The following ZFYVE9 variants were observed in gnomAD, a reference collection of about 807,000 sequenced individuals.
The protein encoded by ZFYVE9 is zinc finger FYVE domain-containing protein 9.
Under a neutral mutation model 126.7 loss-of-function variants are expected in ZFYVE9, and 43 were observed. The observed-to-expected ratio is 0.34, with a 90% CI of 0.27 to 0.44. The LOEUF (loss-of-function observed/expected upper bound fraction) is 0.44. Among genes scored for constraint, ZFYVE9 ranks in the 20% least tolerant of loss-of-function variants. The probability of loss-of-function intolerance (pLI) is 1.00; values close to 1 mark genes in which losing one functional copy is unlikely to be tolerated. For synonymous variants in ZFYVE9, 521 were observed against 597.4 expected, an observed-to-expected ratio of 0.87 and a Z score of 1.87; for missense variants, 1,476 against 1,697.0, an observed-to-expected ratio of 0.87 and a Z score of 2.29.
At chr1:52,318,855 T>C (rs1282887471) in intron 13 of ZFYVE9, among the ~76,000 whole-genome samples, 3 of 152,154 alleles carry the variant, frequency 2.0e-5, no homozygotes, top group Non-Finnish European at 4.4e-5. Context: ...TCCAACACTT[T>C]GGAGGACAAG....
intron 16 of ZFYVE9, 121 bp downstream of exon 16, chr1:52,338,055 C>A: frequency 8.3e-7 from 1 of 1,203,664 alleles, no homozygotes; most frequent in Non-Finnish European, 1.1e-6. Context: ...AGAAAGACTG[C>A]TTTGTATGCT....
At chr1:52,159,748 A>G (rs1040869647) in intron 1 of ZFYVE9, among the ~76,000 whole-genome samples, 1 of 152,188 alleles carries the variant, frequency 6.6e-6, no homozygotes, top group Non-Finnish European at 1.5e-5. Flanking sequence ...TGGCTGCAAC[A>G]TGTAATAAGC....
intron 1 of ZFYVE9, among the ~76,000 whole-genome samples, chr1:52,190,742 A>T (rs1467239049): frequency 1.3e-5 from 2 of 152,228 alleles, no homozygotes; most frequent in African/African-American, 4.8e-5. Context: ...TAAAGTACTT[A>T]AATCACTTTG....
chr1:52,293,913 A>G (rs1236263197), intron 11 of ZFYVE9, among the ~76,000 whole-genome samples: 1 of 152,240 alleles, frequency 6.6e-6, no homozygotes, highest in Non-Finnish European at 1.5e-5. Context: ...TTGATAAAAA[A>G]CACGATCATC....
At chr1:52,302,567 A>G (rs1287313705) in intron 12 of ZFYVE9, among the ~76,000 whole-genome samples, 2 of 152,166 alleles carry the variant, frequency 1.3e-5, no homozygotes, top group Non-Finnish European at 2.9e-5. Context: ...CCTGGCCAAC[A>G]TGGCAAAACC....
chr1:52,219,159 G>A (rs1645099590), intron 2 of ZFYVE9, among the ~76,000 whole-genome samples: 1 of 152,010 alleles, frequency 6.6e-6, no homozygotes, highest in South Asian at 2.1e-4. Context: ...GGTTTTTCTG[G>A]GGATGGGGGG....
At chr1:52,336,872 AGGAGCTT>A (rs1190567339) in intron 15 of ZFYVE9, among the ~76,000 whole-genome samples, 1 of 149,544 alleles carries the variant, frequency 6.7e-6, no homozygotes, top group Non-Finnish European at 1.5e-5. Flanking sequence ...CTGTGAGGCC[AGGAGCTT>A]GAGGCTGCAG....
chr1:52,255,918 CTTTTCTTTTCTTTT>C (rs1645505222), intron 4 of ZFYVE9, among the ~76,000 whole-genome samples: 3 of 81,490 alleles, frequency 3.7e-5, no homozygotes, highest in African/African-American at 2.1e-4. Flanking sequence ...CTTTTCTTTT[CTTTTCTTTTCTTTT>C]CTTTTCTTTT....
At position 52,160,293 on chromosome 1, in the gene ZFYVE9, C is replaced by T; in HGVS notation, c.-143+17890C>T. Reference sequence around the variant, plus strand: ...TTTACAACAGTTCGAATGCTCTTTCCAGAATGCATCAGTTCAAAGGCTTTG... The same window carrying T: ...TTTACAACAGTTCGAATGCTCTTTCTAGAATGCATCAGTTCAAAGGCTTTG... On this transcript the variant is annotated intron_variant, in intron 1 of 18. Coordinates refer to ENST00000287727, the MANE Select transcript of ZFYVE9 (RefSeq NM_004799.4). 14 of 1,012,700 alleles carry T rather than the reference C, an allele frequency of 1.4e-5. No homozygotes were observed. The South Asian group carries it at 1.8e-4, about 13-fold the overall frequency. 62.7% of individuals were successfully genotyped at this position (1,012,700 alleles called of 1,614,324 possible). A position where few individuals can be genotyped will look rare whatever the true frequency, so the allele number is the denominator to read the frequency against.
intron 1 of ZFYVE9, among the ~76,000 whole-genome samples, chr1:52,195,771 T>G (rs1044222456): frequency 2.6e-5 from 4 of 151,966 alleles, no homozygotes; most frequent in Non-Finnish European, 5.9e-5. Context: ...AAAAGATACA[T>G]GAAGTCTGTT....
At chr1:52,177,939 G>GTTTTT (rs202136399) in intron 1 of ZFYVE9, among the ~76,000 whole-genome samples, 2 of 138,218 alleles carry the variant, frequency 1.4e-5, no homozygotes, top group African/African-American at 2.6e-5. Context: ...ATGAAAAGTA[G>GTTTTT]TTTTGTTTTT....
At chr1:52,306,232 G>A (rs976648519) in intron 13 of ZFYVE9, among the ~76,000 whole-genome samples, 1 of 152,264 alleles carries the variant, frequency 6.6e-6, no homozygotes, top group East Asian at 1.9e-4. Flanking sequence ...AAAGCCCTGG[G>A]ATCAGCTAGA....
chr1:52,262,981 C>G (rs1019088669), intron 4 of ZFYVE9, among the ~76,000 whole-genome samples: 13 of 147,760 alleles, frequency 8.8e-5, no homozygotes, highest in African/African-American at 3.3e-4. Context: ...GAGGCTCAGG[C>G]AGAAGAATCA....
chr1:52,307,333 TCAAG>T (rs2147846231), intron 13 of ZFYVE9, among the ~76,000 whole-genome samples: 1 of 152,142 alleles, frequency 6.6e-6, no homozygotes, highest in East Asian at 1.9e-4. Context: ...CCTCCAGGAT[TCAAG>T]CAATTCTCCT....
intron 14 of ZFYVE9, among the ~76,000 whole-genome samples, chr1:52,334,452 CTTAA>C (rs764493083): frequency 6.6e-6 from 1 of 152,112 alleles, no homozygotes; most frequent in Non-Finnish European, 1.5e-5. Context: ...TACTTGGATT[CTTAA>C]TTAGAGGAAG....
chr1:52,180,938 C>T (rs1441551905), intron 1 of ZFYVE9, among the ~76,000 whole-genome samples: 3 of 133,700 alleles, frequency 2.2e-5, no homozygotes, highest in Non-Finnish European at 4.6e-5. Context: ...CACCCCATTG[C>T]ATGCCAGCCT....
chr1:52,260,711 G>A (rs1645570573), intron 4 of ZFYVE9, among the ~76,000 whole-genome samples: 1 of 152,136 alleles, frequency 6.6e-6, no homozygotes, highest in South Asian at 2.1e-4. Flanking sequence ...CAGCTACTTG[G>A]GAGGCTGAGG....
At chr1:52,293,712 G>T (rs1427697953) in intron 11 of ZFYVE9, 35 bp downstream of exon 11, 1 of 1,557,366 alleles carries the variant, frequency 6.4e-7, no homozygotes, top group South Asian at 1.1e-5. Context: ...AAGGCATGAT[G>T]ACTAAAATAA....
chr1:52,142,901 C>T lies in ZFYVE9; in HGVS notation c.-143+498C>T, dbSNP rs1005737552. Among the ~76,000 whole-genome samples, 4 of 152,112 alleles carry T rather than the reference C, an allele frequency of 2.6e-5. No individual in the cohort carries two copies. The highest frequency in any genetic ancestry group is 9.7e-5 in the African/African-American group (4 of 41,420). On this transcript the variant is annotated intron_variant, in intron 1 of 18. Coordinates refer to ENST00000287727, the MANE Select transcript of ZFYVE9 (RefSeq NM_004799.4). The surrounding 1 kb of genome is among the most constrained non-coding windows in gnomAD (Gnocchi z 4.5). ...GCAGAGAGTGCGGGACCAAGAGAGC[C>T]CCTGCTACTCCTGGAGTGTCATTCA...
Sources: gnomAD v4.1 joint callset for allele counts (sites outside exome capture counted in the v4.1 genomes callset) on GRCh38, gnomAD v4.1.1 for gene constraint, Gnocchi (gnomAD v3.1) non-coding constraint, MANE v1.5 for transcripts, NCBI Gene and HGNC (gene_info 2026-07-23, HGNC 2026-07-21) for gene names.